Variants in SCNN1B observed in about 807,000 individuals in gnomAD.
SCNN1B encodes the protein sodium channel epithelial 1 subunit beta, also known as epithelial sodium channel subunit beta.
Under a neutral mutation model 65.3 loss-of-function variants are expected in SCNN1B, and 46 were observed. The ratio of observed to expected loss-of-function variants is 0.70; its 90% CI spans 0.56 to 0.90. The LOEUF is 0.90. Among genes scored for constraint, SCNN1B ranks in the 40% least tolerant of loss-of-function variants. The pLI, the probability that SCNN1B is intolerant of heterozygous loss-of-function variation, is 0.00. For synonymous variants in SCNN1B, 349 were observed against 330.6 expected (o/e 1.06, Z -0.60); for missense variants, 751 against 830.5 (o/e 0.90, Z 1.18).
intron 4 of SCNN1B, among the ~76,000 whole-genome samples, chr16:23,361,680 C>T (rs1244692081): frequency 6.6e-6 from 1 of 152,194 alleles, no homozygotes; most frequent in Non-Finnish European, 1.5e-5. Context: ...TATGTCCTCA[C>T]CTGGGTGGGT....
intron 1 of SCNN1B, among the ~76,000 whole-genome samples, chr16:23,317,246 G>A (rs553493118): frequency 6.6e-6 from 1 of 152,184 alleles, no homozygotes; most frequent in East Asian, 1.9e-4. Flanking sequence ...ATGAGCTAAT[G>A]CCTGTGAGGC....
At position 23,361,996 on chromosome 16, in the gene SCNN1B, A is replaced by C. The variant is rs182709581; in HGVS notation, c.777-5860A>C. ...CTAAAGTGCTGGGATTACAGGAGAG[A>C]GCCAACAAGACTTGCCCAAGCTCTG... On this transcript the variant is annotated intron_variant, in intron 4 of 12. Transcript: ENST00000343070. Among the ~76,000 whole-genome samples the C allele has an allele frequency of 7.2e-4, 109 of 152,192 alleles. 1 individual carries two copies. The East Asian group carries it at 0.017, about 23-fold the overall frequency.
At chr16:23,361,452 C>T (rs1962552235) in intron 4 of SCNN1B, among the ~76,000 whole-genome samples, 1 of 152,202 alleles carries the variant, frequency 6.6e-6, no homozygotes, top group Non-Finnish European at 1.5e-5. Flanking sequence ...GAGCATTGAG[C>T]TCCACCCCTC....
upstream of SCNN1B, among the ~76,000 whole-genome samples, chr16:23,301,696 C>T (rs1328794351): frequency 1.3e-5 from 2 of 152,104 alleles, no homozygotes; most frequent in African/African-American, 4.8e-5. Context: ...GTGGGCACTC[C>T]AGAGGGGGCC....
At chr16:23,345,120 G>A (rs998791350) in intron 1 of SCNN1B, among the ~76,000 whole-genome samples, 1 of 152,166 alleles carries the variant, frequency 6.6e-6, no homozygotes, top group Non-Finnish European at 1.5e-5. Context: ...TCAGATAATT[G>A]GATCAGGAGT....
intron 1 of SCNN1B, among the ~76,000 whole-genome samples, chr16:23,279,052 T>G (rs1398306971): frequency 6.7e-6 from 1 of 149,286 alleles, no homozygotes; most frequent in Non-Finnish European, 1.5e-5. Context: ...AAGTCTTTGG[T>G]CTGAAAATTT....
rs1567304509 is a variant in SCNN1B, at chr16:23,343,647, GAAAAAAAGA to G, written c.-8-4942_-8-4934del. ...AGAAAGAAAGAAAGAAAGAAAGAAA[GAAAAAAAGA>G]AAGGAAGGAAGGAAGAAAAAAAAAA... On this transcript the variant is annotated intron_variant, in intron 1 of 12. Coordinates refer to ENST00000343070, the MANE Select transcript of SCNN1B (RefSeq NM_000336.3). Among the ~76,000 whole-genome samples the G allele has an allele frequency of 9.5e-3, 1,048 of 110,028 alleles. 32 individuals carry two copies. Among genetic ancestry groups the G allele is most frequent in the African/African-American group, 0.021 (560 of 26,226 alleles). The allele number at this position is 110,028 out of a possible 152,430, so 72.2% of individuals were successfully genotyped here.
chr16:23,316,303 CATCACCATCATCACCATCATG>C (rs1168222845), intron 1 of SCNN1B, among the ~76,000 whole-genome samples: 3 of 151,558 alleles, frequency 2.0e-5, no homozygotes, highest in Non-Finnish European at 4.4e-5. Flanking sequence ...TCCTCACCAC[CATCACCATCATCACCATCATG>C]ATCACCATCA....
chr16:23,368,953 T>G (rs984603047), intron 5 of SCNN1B, among the ~76,000 whole-genome samples: 4 of 152,152 alleles, frequency 2.6e-5, no homozygotes, highest in African/African-American at 9.7e-5. Context: ...GTATATATGA[T>G]TCCAGTGAAG....
Position 23,323,169 on chromosome 16 carries a change from G to A in SCNN1B, c.-9+20732G>A, listed in dbSNP as rs977034480. 1.8e-4 allele frequency among the ~76,000 whole-genome samples: 27 copies of A among 152,086 alleles called. No individual in the cohort carries two copies. In the South Asian group the frequency reaches 5.2e-3, roughly 29 times the overall value. The stretch of plus-strand genomic sequence containing the variant: ...GCTGAGATCACAGCACTGCACTCCA[G>A]CCTGGGTGACAGGAGTGAAACTCCA... On this transcript the variant is annotated intron_variant, in intron 1 of 12. Transcript: ENST00000343070.
intron 1 of SCNN1B, among the ~76,000 whole-genome samples, chr16:23,324,264 T>C (rs888696120): frequency 6.6e-6 from 1 of 151,644 alleles, no homozygotes; most frequent in African/African-American, 2.4e-5. Context: ...CATAGATCAC[T>C]GCAGCCTGGA....
chr16:23,279,028 A>G (rs538267528), intron 1 of SCNN1B, among the ~76,000 whole-genome samples: 146 of 151,416 alleles, frequency 9.6e-4, no homozygotes, highest in African/African-American at 3.4e-3. Context: ...GCGGGTGTTG[A>G]AAAAAAGCCT....
intron 10 of SCNN1B, among the ~76,000 whole-genome samples, chr16:23,377,732 C>T (rs890805813): frequency 7.3e-6 from 1 of 137,760 alleles, no homozygotes; most frequent in Non-Finnish European, 1.6e-5. Context: ...CTCCCTCCCT[C>T]CCCACTTCTG....
chr16:23,296,990 CAAA>C (rs57412418), intron 2 of SCNN1B, among the ~76,000 whole-genome samples: 5 of 81,846 alleles, frequency 6.1e-5, no homozygotes, highest in Admixed American at 1.4e-4. Flanking sequence ...CATCTCAAAA[CAAA>C]AAAAAAAAAA....
chr16:23,329,856 C>T (rs781176584), intron 1 of SCNN1B, among the ~76,000 whole-genome samples: 1 of 152,006 alleles, frequency 6.6e-6, no homozygotes, highest in Non-Finnish European at 1.5e-5. Context: ...GAGACTCTGT[C>T]TCTACAAAAT....
intron 1 of SCNN1B, among the ~76,000 whole-genome samples, chr16:23,317,862 TGTC>T (rs1195156766): frequency 1.3e-5 from 2 of 152,198 alleles, no homozygotes; most frequent in Admixed American, 1.3e-4. Context: ...GGGATGTCAT[TGTC>T]AATCACACAG....
chr16:23,378,294 G>A (rs972625192), intron 10 of SCNN1B, among the ~76,000 whole-genome samples: 1 of 152,222 alleles, frequency 6.6e-6, no homozygotes, highest in African/African-American at 2.4e-5. Flanking sequence ...ACAGGCATGA[G>A]CCACCATGCC....
At chr16:23,311,312 A>G (rs28716906) in intron 1 of SCNN1B, among the ~76,000 whole-genome samples, 9,730 of 152,204 alleles carry the variant, frequency 0.064, 1,051 homozygotes, top group African/African-American at 0.22. Context: ...TAGGGAGCTC[A>G]TTCCTTAGCC....
intron 1 of SCNN1B, among the ~76,000 whole-genome samples, chr16:23,305,560 A>AAACAT (rs1258428479): frequency 6.8e-5 from 3 of 44,180 alleles, no homozygotes; most frequent in African/African-American, 4.5e-4. Flanking sequence ...ATATATATAT[A>AAACAT]TATATATATA....
Sources: allele counts gnomAD v4.1 joint callset (sites outside exome capture counted in the v4.1 genomes callset), GRCh38; gene constraint gnomAD v4.1.1; transcripts MANE v1.5; gene names NCBI Gene and HGNC (gene_info 2026-07-23, HGNC 2026-07-21).